The following COPG2 variants were observed in gnomAD, a reference collection of about 807,000 sequenced individuals.
The protein encoded by COPG2 is coat protein complex I subunit gamma 2.
In COPG2, 37 loss-of-function variants were observed where a neutral mutation model predicts 46.3. The ratio of observed to expected loss-of-function variants is 0.80; its 90% confidence interval spans 0.61 to 1.05. COPG2 has a LOEUF of 1.05. Among genes scored for constraint, COPG2 ranks in the 50% least tolerant of loss-of-function variants. The pLI, the probability that COPG2 is intolerant of heterozygous loss-of-function variation, is 0.00. For missense variants in COPG2, 427 were observed against 387.8 expected, an observed-to-expected ratio of 1.10 and a Z score of -0.85; for synonymous variants, 159 against 129.7, an observed-to-expected ratio of 1.23 and a Z score of -1.53.
chr7:130,508,782 G>A (rs577413374), intron 20 of COPG2, 123 bp from the exon 21 acceptor site: 1 of 622,874 alleles, frequency 1.6e-6, no homozygotes, highest in South Asian at 1.9e-5. Flanking sequence ...CCTGTTGTCT[G>A]GGGTAGTGGT....
chr7:130,541,649 A>T (rs1241316779), intron 20 of COPG2, among the ~76,000 whole-genome samples: 2 of 152,050 alleles, frequency 1.3e-5, no homozygotes, highest in African/African-American at 4.8e-5. Flanking sequence ...TGTGAAAGAA[A>T]GGATGAGAAA....
chr7:130,549,268 A>G (rs1031070272), intron 18 of COPG2, 46 bp downstream of exon 18: 14 of 398,364 alleles, frequency 3.5e-5, no homozygotes, highest in East Asian at 1.1e-4. Flanking sequence ...TATATTTACA[A>G]TGCCTAGGGG....
intron 9 of COPG2, chr7:130,610,218 T>A (rs1047630366): frequency 2.1e-5 from 9 of 423,916 alleles, no homozygotes; most frequent in Middle Eastern, 5.7e-4. Flanking sequence ...TTTTCATTTT[T>A]AGCAGCTAAT....
intron 9 of COPG2, among the ~76,000 whole-genome samples, chr7:130,590,246 C>CTCTCCCTCTCCCCACGG (rs1794367953): frequency 6.6e-6 from 1 of 151,818 alleles, no homozygotes; most frequent in Non-Finnish European, 1.5e-5. Flanking sequence ...CACGGTCTCC[C>CTCTCCCTCTCCCCACGG]TCTCCCTCTC....
At chr7:130,619,783 TC>T (rs1795006995) in intron 5 of COPG2, among the ~76,000 whole-genome samples, 1 of 152,238 alleles carries the variant, frequency 6.6e-6, no homozygotes, top group Non-Finnish European at 1.5e-5. Flanking sequence ...CTGCTTGTTG[TC>T]CCTGTACTTG....
chr7:130,527,460 G>A (rs1314119125), intron 20 of COPG2, among the ~76,000 whole-genome samples: 1 of 121,938 alleles, frequency 8.2e-6, no homozygotes, highest in Non-Finnish European at 1.7e-5. Context: ...TATCTGGGGT[G>A]GGGGGTGGGT....
At chr7:130,549,469 G>A in intron 17 of COPG2, 93 bp from the exon 18 acceptor site, 2 of 397,646 alleles carry the variant, frequency 5.0e-6, no homozygotes, top group Non-Finnish European at 8.9e-6. Flanking sequence ...GACATTTCTA[G>A]CAGATATATA....
Position 130,549,391 on chromosome 7 carries a change from A to G in COPG2, c.1775-15T>C, listed in dbSNP as rs1437055480. Reference sequence around the variant, plus strand: ...AAGTGTGATTTCTATAAAGACAGATATGAGCAAGTAAGTGAACTTCTCCCA... The same window carrying G: ...AAGTGTGATTTCTATAAAGACAGATGTGAGCAAGTAAGTGAACTTCTCCCA... On this transcript the variant is annotated splice_polypyrimidine_tract_variant and intron_variant, in intron 17 of 23. Coordinates refer to ENST00000425248, the MANE Select transcript of COPG2 (RefSeq NM_012133.6). 1.3e-5 allele frequency: 5 copies of G among 398,508 alleles called. No homozygotes were observed. The highest frequency in any genetic ancestry group is 4.1e-5 in the African/African-American group (2 of 48,650). The allele number at this position is 398,508 out of a possible 1,614,324, so 24.7% of individuals were successfully genotyped here.
At chr7:130,540,466 G>A (rs909983463) in intron 20 of COPG2, among the ~76,000 whole-genome samples, 10 of 152,206 alleles carry the variant, frequency 6.6e-5, no homozygotes, top group South Asian at 2.1e-4. Flanking sequence ...GGTTGAGGCC[G>A]AAGATACTGA....
chr7:130,626,662 T>C (rs1014523300), intron 5 of COPG2, among the ~76,000 whole-genome samples: 15 of 152,212 alleles, frequency 9.9e-5, no homozygotes, highest in Admixed American at 5.9e-4. Context: ...CTGCTTTTCA[T>C]GTTTCTTTCC....
chr7:130,594,188 A>C (rs1448072130), intron 9 of COPG2, among the ~76,000 whole-genome samples: 4 of 152,234 alleles, frequency 2.6e-5, no homozygotes, highest in Non-Finnish European at 4.4e-5. Context: ...AAAGTTGTCA[A>C]ACTCATTAGT....
At chr7:130,540,530 G>A (rs1799925751) in intron 20 of COPG2, among the ~76,000 whole-genome samples, 5 of 151,986 alleles carry the variant, frequency 3.3e-5, no homozygotes, top group Non-Finnish European at 1.5e-5. Context: ...CGGGTGGGGA[G>A]GCATTAAAAG....
chr7:130,513,307 AAATATATATATATATAT>A (rs1194569339), intron 20 of COPG2, among the ~76,000 whole-genome samples: 13 of 47,716 alleles, frequency 2.7e-4, no homozygotes, highest in African/African-American at 1.1e-3. Context: ...AAAAAAAAAA[AAATATATATATATATAT>A]ATATATATAT....
chr7:130,610,711 TA>T (rs1192043156), intron 9 of COPG2: 5 of 630,752 alleles, frequency 7.9e-6, no homozygotes, highest in Middle Eastern at 2.8e-4. Flanking sequence ...TCAATGCATA[TA>T]TTTTTTGTTC....
At chr7:130,654,143 A>G (rs1258544271) in intron 4 of COPG2, among the ~76,000 whole-genome samples, 4 of 152,222 alleles carry the variant, frequency 2.6e-5, no homozygotes, top group Admixed American at 6.5e-5. Context: ...AAATGGTGAA[A>G]ATTCAAAAGA....
At chr7:130,635,887 G>A (rs1795327880) in intron 5 of COPG2, among the ~76,000 whole-genome samples, 1 of 152,186 alleles carries the variant, frequency 6.6e-6, no homozygotes, top group Non-Finnish European at 1.5e-5. Flanking sequence ...GTGTCCCAGA[G>A]ATTATGTTAC....
chr7:130,605,713 A>G (rs1554451124), intron 9 of COPG2: 1 of 519,416 alleles, frequency 1.9e-6, no homozygotes, highest in South Asian at 1.4e-5. Flanking sequence ...TTGGCCAACG[A>G]CTTAAATGAG....
chr7:130,532,803 C>G (rs1000290212), intron 20 of COPG2, among the ~76,000 whole-genome samples: 1 of 152,082 alleles, frequency 6.6e-6, no homozygotes, highest in Admixed American at 6.5e-5. Context: ...GGATTCGGTG[C>G]AGTACGTGTG....
At chr7:130,617,829 G>A (rs1554453111) in intron 5 of COPG2, among the ~76,000 whole-genome samples, 1 of 152,026 alleles carries the variant, frequency 6.6e-6, no homozygotes, top group Admixed American at 6.6e-5. Flanking sequence ...GGCCAGGTGT[G>A]GTGGCTCATG....
Sources: gnomAD v4.1 joint callset for allele counts (sites outside exome capture counted in the v4.1 genomes callset) on GRCh38, gnomAD v4.1.1 for gene constraint, MANE v1.5 for transcripts, NCBI Gene and HGNC (gene_info 2026-07-23, HGNC 2026-07-21) for gene names.